The following USP48 variants were observed in gnomAD, a reference collection of about 807,000 sequenced individuals.
USP48 encodes the protein ubiquitin specific peptidase 48.
USP48 carries 43 observed loss-of-function variants against 150.7 expected under a neutral mutation model. The observed-to-expected ratio is 0.29, with a 90% confidence interval of 0.22 to 0.37. The LOEUF (loss-of-function observed/expected upper bound fraction) is 0.37. Among genes scored for constraint, USP48 ranks in the 10% least tolerant of loss-of-function variants. The probability of loss-of-function intolerance (pLI) is 1.00; values close to 1 mark genes in which losing one functional copy is unlikely to be tolerated. For synonymous variants in USP48, 396 were observed against 425.9 expected (o/e 0.93, Z 0.86); for missense variants, 813 against 1,249.6 (o/e 0.65, Z 5.27).
At chr1:21,756,498 TA>T (rs758212407) in intron 3 of USP48, 47 bp downstream of exon 3, 9 of 1,510,908 alleles carry the variant, frequency 6.0e-6, no homozygotes, top group East Asian at 2.5e-5. Flanking sequence ...AAAAAAAGTT[TA>T]AAAAAATGTT....
At chr1:21,772,997 C>T (rs902826382) in intron 1 of USP48, among the ~76,000 whole-genome samples, 4 of 150,844 alleles carry the variant, frequency 2.7e-5, no homozygotes, top group East Asian at 1.9e-4. Flanking sequence ...TGATGGCTCA[C>T]GCCTGTAATC....
Position 21,752,601 on chromosome 1 carries a change from C to A in USP48, c.591G>T (p.Leu197Phe), listed in dbSNP as rs752562413. The change falls in exon 5 of 27, where the codon TTG becomes TTT. Residue 197 changes from leucine (L) to phenylalanine (F), a missense_variant. Leu to Phe is a conservative substitution (Grantham distance 22). Coordinates refer to ENST00000308271, the MANE Select transcript of USP48 (RefSeq NM_032236.8). ...GCACATCTGGATTCTTTTGTTTAGA[C>A]AAAGTATCTTCCAATAGAGACATAA... The part of the protein sequence containing the change: ...KLFMSLLEDT[L>F]SKQKNPDVRN... 6.2e-7 allele frequency: 1 copy of A among 1,613,274 alleles called. No individual in the cohort carries two copies. Among genetic ancestry groups the A allele is most frequent in the Non-Finnish European group, 8.5e-7 (1 of 1,179,790 alleles).
intron 11 of USP48, among the ~76,000 whole-genome samples, chr1:21,726,759 C>T (rs2097738367): frequency 6.6e-6 from 1 of 152,072 alleles, no homozygotes; most frequent in Admixed American, 6.6e-5. Context: ...AAATATATTC[C>T]CTAGTATTTG....
chr1:21,747,238 A>C (rs1345467707), intron 7 of USP48, 89 bp from the exon 8 acceptor site: 12 of 801,196 alleles, frequency 1.5e-5, no homozygotes, highest in Non-Finnish European at 2.3e-5. Context: ...TAAACTCAAC[A>C]GTAGCTAGCT....
At chr1:21,700,360 C>T (rs537213299) in intron 22 of USP48, among the ~76,000 whole-genome samples, 1 of 152,206 alleles carries the variant, frequency 6.6e-6, no homozygotes, top group African/African-American at 2.4e-5. Flanking sequence ...CCACGGAAAA[C>T]AAATGCTGAC....
At chr1:21,691,329 A>AG (rs2097599567) in intron 23 of USP48, among the ~76,000 whole-genome samples, 2 of 151,896 alleles carry the variant, frequency 1.3e-5, no homozygotes, top group East Asian at 3.9e-4. Flanking sequence ...AAAAAAAAAA[A>AG]AAAAAAAAAT....
intron 15 of USP48, among the ~76,000 whole-genome samples, chr1:21,711,218 G>A (rs766067913): frequency 5.3e-5 from 8 of 152,102 alleles, no homozygotes; most frequent in East Asian, 3.8e-4. Flanking sequence ...CTAAGTTGGC[G>A]AAAGTCAAGA....
chr1:21,758,174 T>C (rs1468445835), intron 1 of USP48, among the ~76,000 whole-genome samples: 1 of 137,734 alleles, frequency 7.3e-6, no homozygotes. Context: ...CAGAGTACTA[T>C]GCAACTGTAA....
At position 21,776,592 on chromosome 1, in the gene USP48, CAAAAAAAAAAAA is replaced by C. The variant is rs59309344; in HGVS notation, c.134+6220_134+6231del. ...GGAGAAAGTGAATAGTGTCTTGTCT[CAAAAAAAAAAAA>C]AAAAAAAAAAAAAAGAAGAAAGTGA... On this transcript the variant is annotated intron_variant, in intron 1 of 26. Transcript: ENST00000308271. 3.4e-4 allele frequency among the ~76,000 whole-genome samples: 20 copies of C among 58,012 alleles called. No individual in the cohort carries two copies. In the East Asian group the frequency reaches 6.5e-3, roughly 19 times the overall value. The allele number at this position is 58,012 out of a possible 152,430, so 38.1% of individuals were successfully genotyped here.
intron 6 of USP48, 43 bp downstream of exon 6, chr1:21,751,464 C>T (rs1442410613): frequency 7.0e-7 from 1 of 1,434,768 alleles, no homozygotes; most frequent in East Asian, 2.3e-5. Context: ...CAGCATTTAA[C>T]TGTTAATGGG....
In USP48 at chr1:21,734,819, CAGCTCAGGAGATGG is replaced by C. The variant is rs1252033048; in HGVS notation, c.1171+1613_1171+1626del. On this transcript the variant is annotated intron_variant, in intron 9 of 26. Coordinates refer to ENST00000308271, the MANE Select transcript of USP48 (RefSeq NM_032236.8). ...CAGACAATGGGAAGAAAGTGATAAACAGCTCAGGAGATGGAGCTCAGGAGATGGCTCCAACTAGA... is the reference window on the plus strand; with the variant it reads ...CAGACAATGGGAAGAAAGTGATAAACAGCTCAGGAGATGGCTCCAACTAGA... Among the ~76,000 whole-genome samples, 6 of 152,310 alleles carry C rather than the reference CAGCTCAGGAGATGG, an allele frequency of 3.9e-5. No homozygotes were observed. In the South Asian group the frequency reaches 8.3e-4, roughly 21 times the overall value.
chr1:21,760,583 G>A (rs548798494), intron 1 of USP48, among the ~76,000 whole-genome samples: 8 of 151,942 alleles, frequency 5.3e-5, no homozygotes, highest in African/African-American at 1.4e-4. Context: ...GAGTGGTGGC[G>A]GGAGCCTGTA....
intron 8 of USP48, among the ~76,000 whole-genome samples, chr1:21,745,007 A>C (rs1380957588): frequency 1.3e-5 from 2 of 152,044 alleles, no homozygotes; most frequent in Non-Finnish European, 2.9e-5. Context: ...GTGTGTACAG[A>C]TTTGTGTGGT....
chr1:21,679,549 T>C (rs1398033170), intron 26 of USP48, 110 bp from the exon 27 acceptor site: 4 of 1,369,310 alleles, frequency 2.9e-6, no homozygotes, highest in East Asian at 2.3e-5. Context: ...ATTTAATAAA[T>C]GAACACAGTC....
intron 3 of USP48, among the ~76,000 whole-genome samples, chr1:21,753,613 G>A (rs990040249): frequency 1.1e-4 from 17 of 151,770 alleles, no homozygotes; most frequent in African/African-American, 3.6e-4. Context: ...AATAATCTGA[G>A]GTCAGGAGTT....
At chr1:21,745,399 G>A (rs1460133627) in intron 8 of USP48, among the ~76,000 whole-genome samples, 1 of 151,682 alleles carries the variant, frequency 6.6e-6, no homozygotes, top group Admixed American at 6.6e-5. Context: ...TAGAGCCCAG[G>A]AGTTCAAGAC....
At chr1:21,775,192 T>G (rs962897771) in intron 1 of USP48, among the ~76,000 whole-genome samples, 12 of 151,990 alleles carry the variant, frequency 7.9e-5, no homozygotes, top group Non-Finnish European at 1.5e-4. Flanking sequence ...CCTCCCAAGC[T>G]TAAGCCATCC....
chr1:21,768,991 CA>C (rs1317063291), intron 1 of USP48, among the ~76,000 whole-genome samples: 3 of 152,108 alleles, frequency 2.0e-5, no homozygotes, highest in African/African-American at 7.2e-5. Flanking sequence ...AACACACACA[CA>C]GTCTCGTCAT....
chr1:21,715,801 T>C (rs1232013621), intron 14 of USP48, among the ~76,000 whole-genome samples: 2 of 152,234 alleles, frequency 1.3e-5, no homozygotes, highest in Non-Finnish European at 2.9e-5. Context: ...TGTCATGGCA[T>C]GTCATTTTCA....
Sources: gnomAD v4.1 joint callset for allele counts (sites outside exome capture counted in the v4.1 genomes callset) on GRCh38, gnomAD v4.1.1 for gene constraint, MANE v1.5 for transcripts, NCBI Gene and HGNC (gene_info 2026-07-23, HGNC 2026-07-21) for gene names.